RMC1: variants seen among roughly 807,000 people sequenced by gnomAD.
The protein encoded by RMC1 is regulator of MON1-CCZ1 complex.
RMC1 carries 44 observed loss-of-function variants against 95.5 expected under a neutral mutation model. The ratio of observed to expected loss-of-function variants is 0.46; its 90% CI spans 0.36 to 0.59. The LOEUF (loss-of-function observed/expected upper bound fraction) is 0.59, where lower values mean the gene tolerates loss of function less well. Ranked by LOEUF, RMC1 falls within the 20% of genes least tolerant of loss-of-function variation. The probability of loss-of-function intolerance (pLI) is 0.00; values close to 1 mark genes in which losing one functional copy is unlikely to be tolerated. For synonymous variants in RMC1, 320 were observed against 303.6 expected, an observed-to-expected ratio of 1.05 and a Z score of -0.56; for missense variants, 705 against 819.6, an observed-to-expected ratio of 0.86 and a Z score of 1.71.
At chr18:23,529,115 A>T in intron 14 of RMC1, 64 bp from the exon 15 acceptor site, 1 of 1,563,124 alleles carries the variant, frequency 6.4e-7, no homozygotes. Flanking sequence ...CTTGTGGATG[A>T]ACTGTAAACA....
Position 23,503,724 on chromosome 18 carries a change from C to T in RMC1, c.102+4C>T. The stretch of plus-strand genomic sequence containing the variant: ...CTTCGATGAGGCCAACAAGCAGGTC[C>T]GGCGCGCCCGCGCTTCCTCCCCCGC... On this transcript the variant is annotated splice_donor_region_variant and intron_variant, in intron 1 of 19. Coordinates refer to ENST00000269221, the MANE Select transcript of RMC1 (RefSeq NM_013326.5). The T allele has an allele frequency of 1.3e-6, 2 of 1,583,896 alleles. No individual in the cohort carries two copies. Among genetic ancestry groups the T allele is most frequent in the Non-Finnish European group, 1.7e-6 (2 of 1,166,412 alleles).
Position 23,529,719 on chromosome 18 carries a change from T to C in RMC1, c.1494+7T>C, listed in dbSNP as rs2058428154. On this transcript the variant is annotated splice_region_variant and intron_variant, in intron 16 of 19. Transcript: ENST00000269221. Reference sequence around the variant, plus strand: ...GTTTCAGATTGCAGTACAGGTACCTTCAAATCATCTGGGCCCAAGTTAAAA... The same window carrying C: ...GTTTCAGATTGCAGTACAGGTACCTCCAAATCATCTGGGCCCAAGTTAAAA... 6.2e-7 allele frequency: 1 copy of C among 1,608,726 alleles called. No individual in the cohort carries two copies. Among genetic ancestry groups the C allele is most frequent in the Non-Finnish European group, 8.5e-7 (1 of 1,175,462 alleles).
chr18:23,511,357 AAAGAT>A (rs2057853030), intron 5 of RMC1, among the ~76,000 whole-genome samples: 1 of 152,178 alleles, frequency 6.6e-6, no homozygotes, highest in East Asian at 1.9e-4. Context: ...GAGGAGCAGA[AAAGAT>A]AACTATTGGG....
intron 14 of RMC1, chr18:23,528,945 T>A: frequency 4.2e-6 from 2 of 479,996 alleles, no homozygotes; most frequent in Non-Finnish European, 7.2e-6. Flanking sequence ...AATGGTGAGA[T>A]CTTGGCTCAC....
chr18:23,517,479 G>T (rs572215459), intron 7 of RMC1, among the ~76,000 whole-genome samples: 1 of 152,148 alleles, frequency 6.6e-6, no homozygotes, highest in South Asian at 2.1e-4. Context: ...TGAAAAAGTG[G>T]ATATCTCAGT....
chr18:23,530,241 T>C lies in RMC1; in HGVS notation c.1612T>C (p.Leu538=). 6.2e-7 allele frequency: 1 copy of C among 1,614,238 alleles called. No homozygotes were observed. The change falls in exon 18 of 20, where the codon TTA becomes CTA. Residue 538 remains leucine (L), a synonymous_variant. Transcript: ENST00000269221. ...SDSKPLACLL[L]SLESFYPPAH... is the part of the protein sequence containing the mutation. ...AAATGTCTTTCAGGCTTGTCTGCTG[T>C]TATCCCTAGAGAGTTTCTATCCTCC...
chr18:23,513,522 T>G (rs762994723), intron 5 of RMC1, among the ~76,000 whole-genome samples: 32 of 152,390 alleles, frequency 2.1e-4, no homozygotes, highest in South Asian at 4.1e-4. Flanking sequence ...CAGATACCGC[T>G]TCAAGATCCC....
chr18:23,508,117 T>C (rs1652381), intron 4 of RMC1, 76 bp downstream of exon 4: 1,356,386 of 1,356,480 alleles, frequency 1, 678,146 homozygotes, highest in Middle Eastern at 1. Context: ...AGCGGGGCAT[T>C]GGGGTCGCAG....
At chr18:23,514,557 CA>C (rs879753932) in intron 5 of RMC1, among the ~76,000 whole-genome samples, 2,392 of 132,912 alleles carry the variant, frequency 0.018, 49 homozygotes, top group African/African-American at 0.056. Context: ...AACTCCGTCT[CA>C]AAAAAAAAAA....
At position 23,529,651 on chromosome 18, in the gene RMC1, TTG is replaced by T. The variant is rs1238158058; in HGVS notation, c.1436_1437del (p.Val479AspfsTer12). On this transcript the variant is annotated frameshift_variant, in exon 16 of 20. Coordinates refer to ENST00000269221, the MANE Select transcript of RMC1 (RefSeq NM_013326.5). LOFTEE classifies it high-confidence loss of function. ...TCTCCCTAGGAGATGCCTCATAAAT[TTG>T]TGATAGCCGTGCTGATGGAATACAT... is the stretch of plus-strand genomic sequence containing the variant. 1 of 1,614,040 alleles carries T rather than the reference TTG, an allele frequency of 6.2e-7. No individual in the cohort carries two copies. The highest frequency in any genetic ancestry group is 1.3e-5 in the African/African-American group (1 of 74,916).
At chr18:23,513,326 C>T (rs1415975459) in intron 5 of RMC1, among the ~76,000 whole-genome samples, 1 of 152,198 alleles carries the variant, frequency 6.6e-6, no homozygotes, top group Non-Finnish European at 1.5e-5. Flanking sequence ...TGGCTTATTT[C>T]ATCTACCATA....
At chr18:23,522,683 G>A (rs1405027850) in intron 10 of RMC1, 1 of 152,350 alleles carries the variant, frequency 6.6e-6, no homozygotes, top group Non-Finnish European at 1.5e-5. Context: ...GGGAACAGAT[G>A]CGAGGCCTGG....
At chr18:23,527,967 A>C in intron 14 of RMC1, 66 bp downstream of exon 14, 1 of 1,293,974 alleles carries the variant, frequency 7.7e-7, no homozygotes, top group East Asian at 2.4e-5. Context: ...TTTCTAAGTA[A>C]TTATGATGCA....
chr18:23,513,719 T>C (rs2057924140), intron 5 of RMC1, among the ~76,000 whole-genome samples: 1 of 152,244 alleles, frequency 6.6e-6, no homozygotes, highest in South Asian at 2.1e-4. Context: ...TTTGTTTTGT[T>C]TTGTTTTTGA....
intron 13 of RMC1, 38 bp from the exon 14 acceptor site, chr18:23,527,757 G>C (rs780465947): frequency 1.3e-6 from 2 of 1,522,994 alleles, no homozygotes; most frequent in Admixed American, 3.3e-5. Flanking sequence ...CTGACATGAA[G>C]TTGGTTTGAT....
intron 5 of RMC1, among the ~76,000 whole-genome samples, chr18:23,515,593 A>G (rs1002876774): frequency 2.0e-5 from 3 of 152,128 alleles, no homozygotes; most frequent in South Asian, 2.1e-4. Flanking sequence ...TGATGGTGCA[A>G]TCTTGACTCA....
At chr18:23,522,017 C>T (rs536119000) in intron 10 of RMC1, among the ~76,000 whole-genome samples, 25 of 152,294 alleles carry the variant, frequency 1.6e-4, no homozygotes, top group African/African-American at 4.6e-4. Context: ...TGGCATTGGG[C>T]GGGTTGACCC....
chr18:23,525,207 A>G (rs1363890455), intron 12 of RMC1, among the ~76,000 whole-genome samples: 9 of 151,836 alleles, frequency 5.9e-5, no homozygotes, highest in Non-Finnish European at 1.0e-4. Flanking sequence ...CGGCCTCCCA[A>G]AGTGCTGGGA....
chr18:23,519,091 C>T lies in RMC1; in HGVS notation c.766C>T (p.His256Tyr), dbSNP rs534549693. The T allele has an allele frequency of 7.7e-5, 125 of 1,614,120 alleles. 1 individual carries two copies. In the South Asian group the frequency reaches 1.4e-3, roughly 17 times the overall value. Residue 256 changes from histidine to tyrosine, a missense_variant, in exon 9 of 20, where the codon CAC becomes TAC. His to Tyr is a moderately conservative substitution (Grantham distance 83). Transcript: ENST00000269221. ...CAGAGAAGGTGCCTGTAAAAAGATGCACATATTGAAGTTAAATAGGACGGG... is the reference window on the plus strand; with the variant it reads ...CAGAGAAGGTGCCTGTAAAAAGATGTACATATTGAAGTTAAATAGGACGGG... Reference protein sequence around the residue: ...LPREGACKKMHILKLNRTGKF... With the variant: ...LPREGACKKMYILKLNRTGKF...
Sources: allele counts gnomAD v4.1 joint callset (sites outside exome capture counted in the v4.1 genomes callset), GRCh38; gene constraint gnomAD v4.1.1; transcripts MANE v1.5; gene names NCBI Gene and HGNC (gene_info 2026-07-23, HGNC 2026-07-21).